Variants in STK32B observed in about 807,000 individuals in gnomAD.
STK32B encodes serine/threonine-protein kinase 32B.
Under a neutral mutation model 52.6 loss-of-function variants are expected in STK32B, and 43 were observed. That is an observed-to-expected ratio of 0.82 (90% CI 0.64 to 1.05). The LOEUF is 1.05. Ranked by LOEUF, STK32B falls within the 50% of genes least tolerant of loss-of-function variation. STK32B has a pLI of 0.00. For missense variants in STK32B, 621 were observed against 534.6 expected (o/e 1.16, Z -1.59); for synonymous variants, 238 against 204.3 (o/e 1.17, Z -1.41).
chr4:5,121,349 T>C (rs530334956), intron 1 of STK32B, among the ~76,000 whole-genome samples: 1 of 152,296 alleles, frequency 6.6e-6, no homozygotes, highest in South Asian at 2.1e-4. Context: ...TTCCATTTCC[T>C]TGCAATGGCA....
chr4:5,305,359 A>G (rs969774266), intron 3 of STK32B, among the ~76,000 whole-genome samples: 3 of 151,988 alleles, frequency 2.0e-5, no homozygotes, highest in Admixed American at 6.5e-5. Flanking sequence ...TACCATTTCA[A>G]TCTCACTATG....
At chr4:5,038,880 CTTTT>C in the STK32B span, among the ~76,000 whole-genome samples, 3 of 151,628 alleles carry the variant, frequency 2.0e-5, no homozygotes, top group African/African-American at 4.8e-5. Flanking sequence ...CTTACTATAA[CTTTT>C]TTTACTTTAT....
intron 4 of STK32B, among the ~76,000 whole-genome samples, chr4:5,364,107 C>T (rs1734718033): frequency 6.6e-6 from 1 of 152,048 alleles, no homozygotes; most frequent in Non-Finnish European, 1.5e-5. Flanking sequence ...CCACTGTCCA[C>T]AGGACAAAGT....
intron 3 of STK32B, among the ~76,000 whole-genome samples, chr4:5,243,039 T>C (rs1725156572): frequency 1.3e-5 from 2 of 152,164 alleles, no homozygotes; most frequent in African/African-American, 2.4e-5. Flanking sequence ...TCTTTTGGCT[T>C]AGGATTGACT....
intron 2 of STK32B, among the ~76,000 whole-genome samples, chr4:5,142,023 G>A (rs1318891359): frequency 6.6e-6 from 1 of 152,068 alleles, no homozygotes. Flanking sequence ...TTCCTACTGA[G>A]GGAAGCATCT....
intron 3 of STK32B, among the ~76,000 whole-genome samples, chr4:5,168,689 A>C (rs749802017): frequency 1.3e-5 from 2 of 152,122 alleles, no homozygotes; most frequent in Non-Finnish European, 2.9e-5. Context: ...ATAAATGGAG[A>C]AGTGTTTTGC....
At chr4:5,080,741 CAT>C (rs1304527652) in intron 1 of STK32B, among the ~76,000 whole-genome samples, 1 of 152,050 alleles carries the variant, frequency 6.6e-6, no homozygotes, top group Non-Finnish European at 1.5e-5. Context: ...TTATCATAAT[CAT>C]ATTAATTAAC....
At chr4:5,244,846 T>C (rs1403188814) in intron 3 of STK32B, among the ~76,000 whole-genome samples, 2 of 152,240 alleles carry the variant, frequency 1.3e-5, no homozygotes, top group Admixed American at 6.5e-5. Context: ...CCAGTAGTCA[T>C]TCAGGAGCAG....
chr4:5,339,111 T>C (rs1022623388), intron 4 of STK32B, among the ~76,000 whole-genome samples: 2 of 152,118 alleles, frequency 1.3e-5, no homozygotes, highest in African/African-American at 4.8e-5. Flanking sequence ...CTGCTCCAGG[T>C]TTTTGGGCTT....
At chr4:5,484,710 T>G (rs1353241336) in intron 11 of STK32B, among the ~76,000 whole-genome samples, 3 of 152,174 alleles carry the variant, frequency 2.0e-5, no homozygotes, top group Non-Finnish European at 4.4e-5. Context: ...TTGGCATGTT[T>G]TTGCAGTGGC....
At chr4:5,289,320 G>A (rs1316280612) in intron 3 of STK32B, among the ~76,000 whole-genome samples, 1 of 152,198 alleles carries the variant, frequency 6.6e-6, no homozygotes, top group Non-Finnish European at 1.5e-5. Flanking sequence ...GGCAGGCCTG[G>A]AAGTTGCTCT....
chr4:5,316,536 AAT>A (rs1730788153), intron 3 of STK32B, among the ~76,000 whole-genome samples: 1 of 3,182 alleles, frequency 3.1e-4, no homozygotes, highest in Non-Finnish European at 4.0e-4. Context: ...TATAATATAT[AAT>A]ATATATTACA....
At chr4:5,076,572 A>C (rs533640085) in intron 1 of STK32B, among the ~76,000 whole-genome samples, 2 of 152,208 alleles carry the variant, frequency 1.3e-5, no homozygotes, top group African/African-American at 4.8e-5. Flanking sequence ...TTTTTTCTAC[A>C]TTGTTTTTTC....
At chr4:5,306,934 C>G (rs1729962757) in intron 3 of STK32B, among the ~76,000 whole-genome samples, 1 of 151,960 alleles carries the variant, frequency 6.6e-6, no homozygotes. Flanking sequence ...TGGCTGAAAA[C>G]TGTTTTGTTT....
chr4:5,191,667 G>A (rs1721213254), intron 3 of STK32B, among the ~76,000 whole-genome samples: 1 of 152,168 alleles, frequency 6.6e-6, no homozygotes, highest in Non-Finnish European at 1.5e-5. Flanking sequence ...CTCCTGCTCA[G>A]CGAGTCTGAA....
In STK32B at chr4:5,345,878, T is replaced by C. The variant is rs1275763056; in HGVS notation, c.434+14485T>C. Among the ~76,000 whole-genome samples the C allele has an allele frequency of 4.6e-5, 7 of 152,242 alleles. No individual in the cohort carries two copies. The East Asian group carries it at 9.6e-4, about 21-fold the overall frequency. On this transcript the variant is annotated intron_variant, in intron 4 of 11. Coordinates refer to ENST00000282908, the MANE Select transcript of STK32B (RefSeq NM_018401.3). ...TTTTGCTTGTGTATGAAAATAAATA[T>C]GTATTTTTAGTGACACTATTCAACA... is the stretch of plus-strand genomic sequence containing the variant.
intron 3 of STK32B, among the ~76,000 whole-genome samples, chr4:5,184,102 G>C (rs182102496): frequency 3.3e-5 from 5 of 152,080 alleles, no homozygotes; most frequent in African/African-American, 1.2e-4. Context: ...CTAACTGCTC[G>C]GCAAAAGAAC....
chr4:5,078,398 A>G (rs1712211197), intron 1 of STK32B, among the ~76,000 whole-genome samples: 2 of 152,202 alleles, frequency 1.3e-5, no homozygotes, highest in Admixed American at 1.3e-4. Context: ...ACAAACAAAG[A>G]CTGAAACAAA....
chr4:5,489,895 CAG>C (rs1324146219), intron 11 of STK32B, among the ~76,000 whole-genome samples: 3 of 151,986 alleles, frequency 2.0e-5, no homozygotes, highest in East Asian at 1.9e-4. Flanking sequence ...ATTATGTAAA[CAG>C]AAGATACAGT....
Sources: gnomAD v4.1 joint callset for allele counts (sites outside exome capture counted in the v4.1 genomes callset) on GRCh38, gnomAD v4.1.1 for gene constraint, MANE v1.5 for transcripts, NCBI Gene and HGNC (gene_info 2026-07-23, HGNC 2026-07-21) for gene names.